Variants in PARD3B observed in about 807,000 individuals in gnomAD.
PARD3B encodes par-3 family cell polarity regulator beta.
PARD3B carries 103 observed loss-of-function variants against 130.2 expected under a neutral mutation model. The observed-to-expected ratio is 0.79, with a 90% CI of 0.67 to 0.93. The LOEUF (loss-of-function observed/expected upper bound fraction) is 0.93, where lower values mean the gene tolerates loss of function less well. Among genes scored for constraint, PARD3B ranks in the 40% least tolerant of loss-of-function variants. The pLI, the probability that PARD3B is intolerant of heterozygous loss-of-function variation, is 0.00. For missense variants in PARD3B, 1,609 were observed against 1,499.2 expected, an observed-to-expected ratio of 1.07 and a Z score of -1.21; for synonymous variants, 583 against 553.2, an observed-to-expected ratio of 1.05 and a Z score of -0.76.
rs535082719 is a variant in PARD3B, at chr2:205,356,557, T to C, written c.2631-44456T>C. Among the ~76,000 whole-genome samples, 14 of 152,176 alleles carry C rather than the reference T, an allele frequency of 9.2e-5. No homozygotes were observed. In the South Asian group the frequency reaches 2.5e-3, roughly 27 times the overall value. ...TTATTTTTTAAATTGATTTAGATAG[T>C]ATCCTTCATTGAGAAGCTCTGCTGA... On this transcript the variant is annotated intron_variant, in intron 18 of 22. Coordinates refer to ENST00000406610, the MANE Select transcript of PARD3B (RefSeq NM_001302769.2).
At chr2:204,690,477 G>A (rs944842962) in intron 2 of PARD3B, among the ~76,000 whole-genome samples, 1 of 152,138 alleles carries the variant, frequency 6.6e-6, no homozygotes, top group Non-Finnish European at 1.5e-5. Flanking sequence ...GAAAGAAGAA[G>A]GCAGGAGAGT....
chr2:205,388,520 T>G (rs1216165111), intron 18 of PARD3B, among the ~76,000 whole-genome samples: 2 of 152,206 alleles, frequency 1.3e-5, no homozygotes, highest in Non-Finnish European at 2.9e-5. Context: ...TATACAATAC[T>G]TTTGTGATTG....
chr2:204,788,745 GA>G (rs140542592), intron 2 of PARD3B, among the ~76,000 whole-genome samples: 1,781 of 152,206 alleles, frequency 0.012, 25 homozygotes, highest in African/African-American at 0.041. Flanking sequence ...TGCAAATTAG[GA>G]AGGAAAAGAC....
intron 18 of PARD3B, among the ~76,000 whole-genome samples, chr2:205,386,346 G>A (rs545856797): frequency 3.1e-4 from 47 of 152,194 alleles, no homozygotes; most frequent in Non-Finnish European, 5.7e-4. Context: ...CCCACACAGG[G>A]GAGCCAACCC....
intron 19 of PARD3B, among the ~76,000 whole-genome samples, chr2:205,428,941 A>AATGACTGCT (rs1416470078): frequency 6.6e-6 from 1 of 152,286 alleles, no homozygotes; most frequent in East Asian, 1.9e-4. Context: ...TCCTTGGAGG[A>AATGACTGCT]ATGACTGCTT....
rs2125607238 is a variant in PARD3B, at chr2:205,116,878, G to C, written c.681-2043G>C. Among the ~76,000 whole-genome samples, 1 of 152,234 alleles carries C rather than the reference G, an allele frequency of 6.6e-6. No individual in the cohort carries two copies. Among genetic ancestry groups the C allele is most frequent in the South Asian group, 2.1e-4 (1 of 4,824 alleles). On this transcript the variant is annotated intron_variant, in intron 6 of 22. Coordinates refer to ENST00000406610, the MANE Select transcript of PARD3B (RefSeq NM_001302769.2). This position sits in a 1 kb window ranked among gnomAD's most constrained non-coding sequence, Gnocchi z 4.5. ...TTTTCATGGAAAGTTAGATTATTTA[G>C]ATCAGTGAGGTTCACATAGCATACT...
chr2:205,576,874 T>A (rs1344252324), intron 22 of PARD3B, among the ~76,000 whole-genome samples: 1 of 152,214 alleles, frequency 6.6e-6, no homozygotes, highest in Non-Finnish European at 1.5e-5. Flanking sequence ...AATCTGTAGA[T>A]CAAGTTGGGA....
intron 2 of PARD3B, among the ~76,000 whole-genome samples, chr2:204,936,231 G>A (rs745598471): frequency 6.6e-5 from 10 of 152,258 alleles, no homozygotes; most frequent in Non-Finnish European, 1.2e-4. Flanking sequence ...GCCACGTGCT[G>A]TGTGGTCGGG....
chr2:205,335,229 A>T (rs1239105498), intron 18 of PARD3B, among the ~76,000 whole-genome samples: 1 of 152,204 alleles, frequency 6.6e-6, no homozygotes, highest in East Asian at 1.9e-4. Flanking sequence ...AAATAAGTCA[A>T]TTCCAAACAG....
intron 21 of PARD3B, among the ~76,000 whole-genome samples, chr2:205,523,776 A>C (rs1352149606): frequency 2.9e-5 from 4 of 139,156 alleles, no homozygotes; most frequent in African/African-American, 1.1e-4. Flanking sequence ...TGACAGCTCC[A>C]TTGCTCAGTT....
chr2:204,576,186 T>C (rs374095252), intron 1 of PARD3B, among the ~76,000 whole-genome samples: 4 of 152,200 alleles, frequency 2.6e-5, no homozygotes, highest in African/African-American at 7.2e-5. Flanking sequence ...GATATTTGAC[T>C]CTTTTTAAAG....
chr2:204,749,385 G>A (rs2040372163), intron 2 of PARD3B, among the ~76,000 whole-genome samples: 1 of 151,754 alleles, frequency 6.6e-6, no homozygotes, highest in South Asian at 2.1e-4. Context: ...GATCTCTAAG[G>A]AGTGCTTCAC....
intron 2 of PARD3B, among the ~76,000 whole-genome samples, chr2:204,905,269 C>T (rs1257133557): frequency 6.6e-6 from 1 of 152,108 alleles, no homozygotes; most frequent in Non-Finnish European, 1.5e-5. Context: ...ATGTTATCAG[C>T]AGGAGTTACC....
chr2:205,237,954 A>T (rs1574473436), intron 15 of PARD3B, among the ~76,000 whole-genome samples: 1 of 152,186 alleles, frequency 6.6e-6, no homozygotes, highest in Non-Finnish European at 1.5e-5. Context: ...CTGCCACAAG[A>T]ATTTTACAGT....
In PARD3B at chr2:205,032,275, A is replaced by C. The variant is rs540563617; in HGVS notation, c.395-15306A>C. 3.3e-5 allele frequency among the ~76,000 whole-genome samples: 5 copies of C among 152,174 alleles called. No homozygotes were observed. The South Asian group carries it at 1.0e-3, about 32-fold the overall frequency. On this transcript the variant is annotated intron_variant, in intron 3 of 22. Coordinates refer to ENST00000406610, the MANE Select transcript of PARD3B (RefSeq NM_001302769.2). Reference sequence around the variant, plus strand: ...TGTAATGGGCCTATCTAGTAGCAAGACAGCAGCCATATGAAACACCTGGGT... The same window carrying C: ...TGTAATGGGCCTATCTAGTAGCAAGCCAGCAGCCATATGAAACACCTGGGT...
chr2:204,820,110 T>TG (rs1235205743), intron 2 of PARD3B, among the ~76,000 whole-genome samples: 1 of 136,750 alleles, frequency 7.3e-6, no homozygotes, highest in Non-Finnish European at 1.5e-5. Context: ...AGTGTCACTC[T>TG]TATTGCCCAG....
At chr2:205,358,286 G>T (rs2044267708) in intron 18 of PARD3B, among the ~76,000 whole-genome samples, 1 of 152,176 alleles carries the variant, frequency 6.6e-6, no homozygotes, top group Non-Finnish European at 1.5e-5. Context: ...ATTACTCAAA[G>T]ATCCCCACAG....
At chr2:204,932,057 T>A (rs9784086) in intron 2 of PARD3B, among the ~76,000 whole-genome samples, 10,379 of 152,178 alleles carry the variant, frequency 0.068, 415 homozygotes, top group Middle Eastern at 0.12. Context: ...AGTTGCATCC[T>A]TTTAGGTCAA....
intron 20 of PARD3B, among the ~76,000 whole-genome samples, chr2:205,475,589 G>C (rs1364348320): frequency 2.6e-5 from 4 of 152,150 alleles, no homozygotes; most frequent in Non-Finnish European, 5.9e-5. Flanking sequence ...AGCACTTAAG[G>C]CTGGTTTTGC....
Sources: gnomAD v4.1 joint callset for allele counts (sites outside exome capture counted in the v4.1 genomes callset) on GRCh38, gnomAD v4.1.1 for gene constraint, Gnocchi (gnomAD v3.1) non-coding constraint, MANE v1.5 for transcripts, NCBI Gene and HGNC (gene_info 2026-07-23, HGNC 2026-07-21) for gene names.